Variants in ATP6V0E1 observed in about 807,000 individuals in gnomAD.
ATP6V0E1 encodes V-type proton ATPase subunit e 1.
A neutral mutation model predicts 11.6 loss-of-function variants in ATP6V0E1; 4 were observed. The observed-to-expected ratio is 0.35, with a 90% CI of 0.17 to 0.79. The LOEUF (loss-of-function observed/expected upper bound fraction) is 0.79, where lower values mean the gene tolerates loss of function less well. Ranked by LOEUF, ATP6V0E1 falls within the 30% of genes least tolerant of loss-of-function variation. The pLI is 0.54. For missense variants in ATP6V0E1, 105 were observed against 100.0 expected (o/e 1.05, Z -0.21); for synonymous variants, 36 against 34.8 (o/e 1.04, Z -0.13).
chr5:173,031,169 C>T (rs541920846), intron 3 of ATP6V0E1, among the ~76,000 whole-genome samples: 2 of 151,964 alleles, frequency 1.3e-5, no homozygotes, highest in South Asian at 2.1e-4. Context: ...TGGTCTCGAT[C>T]TCCTGACCTC....
At chr5:172,995,641 A>G (rs1408518812) in intron 2 of ATP6V0E1, among the ~76,000 whole-genome samples, 1 of 152,090 alleles carries the variant, frequency 6.6e-6, no homozygotes, top group African/African-American at 2.4e-5. Flanking sequence ...GGTTTTTGAG[A>G]CAGGGTCTTG....
chr5:172,986,754 A>G, intron 1 of ATP6V0E1: 1 of 447,142 alleles, frequency 2.2e-6, no homozygotes, highest in Non-Finnish European at 4.5e-6. Context: ...TGGATGGGGA[A>G]GATAAGGTTG....
chr5:173,004,466 G>A (rs1273221964), intron 2 of ATP6V0E1, among the ~76,000 whole-genome samples: 1 of 152,140 alleles, frequency 6.6e-6, no homozygotes, highest in African/African-American at 2.4e-5. Context: ...GCTGGAAGAG[G>A]AGGTACGTGA....
chr5:172,992,509 C>T (rs1755999403), intron 1 of ATP6V0E1, among the ~76,000 whole-genome samples: 1 of 152,132 alleles, frequency 6.6e-6, no homozygotes, highest in African/African-American at 2.4e-5. Context: ...CTCTCACCCC[C>T]TGCCTTTGAC....
chr5:172,993,698 C>T (rs1184656399), intron 1 of ATP6V0E1, among the ~76,000 whole-genome samples: 2 of 141,080 alleles, frequency 1.4e-5, no homozygotes. Context: ...CCCGACCCCA[C>T]CTCTCCAAAA....
chr5:173,020,341 C>T lies in ATP6V0E1; in HGVS notation c.*10C>T. 6.3e-7 allele frequency: 1 copy of T among 1,592,320 alleles called. No individual in the cohort carries two copies. The highest frequency in any genetic ancestry group is 1.7e-5 in the Admixed American group (1 of 59,978). On this transcript the variant is annotated 3_prime_UTR_variant, in exon 3 of 4. Coordinates refer to ENST00000519374, the MANE Select transcript of ATP6V0E1 (RefSeq NM_003945.4). ...GTATCATTGGCCTTGAGGAAGAAGA[C>T]ATGCTCTACAGTGCTCAGTCTTTGA...
At chr5:173,009,198 C>G (rs1177266780) in intron 2 of ATP6V0E1, among the ~76,000 whole-genome samples, 1 of 151,978 alleles carries the variant, frequency 6.6e-6, no homozygotes, top group Non-Finnish European at 1.5e-5. Context: ...TGCGCTCCAG[C>G]CTGGGCAACA....
intron 3 of ATP6V0E1, among the ~76,000 whole-genome samples, chr5:173,029,430 T>A (rs1254654646): frequency 6.6e-6 from 1 of 152,122 alleles, no homozygotes; most frequent in East Asian, 1.9e-4. Flanking sequence ...TCTCATTATG[T>A]CTCTTGTGTC....
At chr5:173,005,026 T>C (rs73803697) in intron 2 of ATP6V0E1, among the ~76,000 whole-genome samples, 1 of 152,336 alleles carries the variant, frequency 6.6e-6, no homozygotes, top group African/African-American at 2.4e-5. Context: ...GGCCTTATGA[T>C]AATATACTGT....
chr5:172,985,763 A>G (rs1755887540), intron 1 of ATP6V0E1, among the ~76,000 whole-genome samples: 1 of 152,208 alleles, frequency 6.6e-6, no homozygotes, highest in East Asian at 1.9e-4. Context: ...TTAGCCCTAG[A>G]GAGTGTCATG....
At chr5:172,994,859 T>C (rs373430932) in intron 2 of ATP6V0E1, 37 bp downstream of exon 2, 1 of 1,504,896 alleles carries the variant, frequency 6.6e-7, no homozygotes. Context: ...TTCTTGGTAT[T>C]TGTAGTGTGT....
intron 1 of ATP6V0E1, among the ~76,000 whole-genome samples, chr5:172,992,424 T>C (rs1053018769): frequency 1.3e-5 from 2 of 152,110 alleles, no homozygotes; most frequent in African/African-American, 4.8e-5. Context: ...TGGTACCTCT[T>C]TGACCTCACC....
At chr5:173,013,574 CAAA>C (rs35084966) in intron 2 of ATP6V0E1, among the ~76,000 whole-genome samples, 3 of 61,616 alleles carry the variant, frequency 4.9e-5, no homozygotes, top group Admixed American at 1.9e-4. Context: ...GACTCCATCT[CAAA>C]AAAAAAAAAA....
chr5:173,016,730 C>G lies in ATP6V0E1; in HGVS notation c.153-3508C>G, dbSNP rs536750594. Reference sequence around the variant, plus strand: ...ATTTTCCATGACTCTTAGCTCTGCACCATTAGCGTCAACTGCAGTCACAGA... The same window carrying G: ...ATTTTCCATGACTCTTAGCTCTGCAGCATTAGCGTCAACTGCAGTCACAGA... On this transcript the variant is annotated intron_variant, in intron 2 of 3. Coordinates refer to ENST00000519374, the MANE Select transcript of ATP6V0E1 (RefSeq NM_003945.4). Among the ~76,000 whole-genome samples the G allele has an allele frequency of 2.6e-5, 4 of 152,300 alleles. No homozygotes were observed. The East Asian group carries it at 7.7e-4, about 29-fold the overall frequency.
At chr5:172,987,531 G>T (rs1057474028) in intron 1 of ATP6V0E1, among the ~76,000 whole-genome samples, 1 of 151,502 alleles carries the variant, frequency 6.6e-6, no homozygotes. Flanking sequence ...TGATCCGTCC[G>T]CCTCGGCCTC....
At chr5:173,010,816 C>T (rs561679808) in intron 2 of ATP6V0E1, among the ~76,000 whole-genome samples, 4 of 152,204 alleles carry the variant, frequency 2.6e-5, no homozygotes, top group Admixed American at 6.6e-5. Context: ...TGCGTGTCAC[C>T]GGGAAGTAAC....
chr5:173,026,030 A>C (rs1473758909), intron 3 of ATP6V0E1, among the ~76,000 whole-genome samples: 1 of 151,526 alleles, frequency 6.6e-6, no homozygotes, highest in African/African-American at 2.4e-5. Context: ...ACAGGGTCTC[A>C]CTGTTGGTCA....
chr5:173,025,143 CTTTTTTTT>C (rs539174415), intron 3 of ATP6V0E1, among the ~76,000 whole-genome samples: 1 of 103,144 alleles, frequency 9.7e-6, no homozygotes, highest in Non-Finnish European at 2.0e-5. Flanking sequence ...GCCTGGCATT[CTTTTTTTT>C]TTTTTTTTTT....
intron 2 of ATP6V0E1, among the ~76,000 whole-genome samples, chr5:173,015,652 C>T (rs1299664290): frequency 6.6e-6 from 1 of 152,140 alleles, no homozygotes; most frequent in Admixed American, 6.5e-5. Context: ...GCTGGTGTTC[C>T]CAGGAAGAGC....
Sources: gnomAD v4.1 joint callset for allele counts (sites outside exome capture counted in the v4.1 genomes callset) on GRCh38, gnomAD v4.1.1 for gene constraint, MANE v1.5 for transcripts, NCBI Gene and HGNC (gene_info 2026-07-23, HGNC 2026-07-21) for gene names.